The following ANO3 variants were observed in gnomAD, a reference collection of about 807,000 sequenced individuals.
ANO3 encodes the protein anoctamin 3.
In ANO3, 99 loss-of-function variants were observed where a neutral mutation model predicts 144.8. The observed-to-expected ratio is 0.68, with a 90% CI of 0.58 to 0.81. The LOEUF (loss-of-function observed/expected upper bound fraction) is 0.81. Ranked by LOEUF, ANO3 falls within the 30% of genes least tolerant of loss-of-function variation. The pLI, the probability that ANO3 is intolerant of heterozygous loss-of-function variation, is 0.00. For missense variants in ANO3, 905 were observed against 1,202.2 expected (o/e 0.75, Z 3.66); for synonymous variants, 414 against 392.6 (o/e 1.05, Z -0.64).
At chr11:26,308,382 T>A (rs997368074), upstream of ANO3, among the ~76,000 whole-genome samples, 6 of 152,302 alleles carry the variant, frequency 3.9e-5, no homozygotes, top group Admixed American at 2.6e-4. Context: ...TTTCATACAA[T>A]TTAGTACAGA....
intron 9 of ANO3, among the ~76,000 whole-genome samples, chr11:26,535,195 A>T (rs10742145): frequency 0.71 from 107,287 of 152,116 alleles, 38,216 homozygotes; most frequent in East Asian, 0.84. Flanking sequence ...AAGAATATGT[A>T]AGAAACTTTT....
chr11:26,266,316 A>G (rs186127961), intron 1 of ANO3, among the ~76,000 whole-genome samples: 1 of 152,312 alleles, frequency 6.6e-6, no homozygotes, highest in Admixed American at 6.5e-5. Flanking sequence ...TATATTCAAT[A>G]ATTGACTTTA....
At chr11:26,192,531 T>C (rs764695932) in intron 1 of ANO3, among the ~76,000 whole-genome samples, 5 of 152,220 alleles carry the variant, frequency 3.3e-5, no homozygotes, top group Non-Finnish European at 1.5e-5. Flanking sequence ...TCAAAAACAG[T>C]GTTTATACCT....
intron 1 of ANO3, among the ~76,000 whole-genome samples, chr11:26,279,675 T>C (rs1438126113): frequency 6.6e-6 from 1 of 152,158 alleles, no homozygotes; most frequent in Non-Finnish European, 1.5e-5. Flanking sequence ...TTCAGGGACT[T>C]GCAAGTGGGG....
intron 1 of ANO3, among the ~76,000 whole-genome samples, chr11:26,324,961 A>T (rs1343429354): frequency 6.6e-6 from 1 of 152,220 alleles, no homozygotes; most frequent in Non-Finnish European, 1.5e-5. Context: ...ATGGGAAAGG[A>T]AAAGGATGAG....
intron 4 of ANO3, among the ~76,000 whole-genome samples, chr11:26,506,311 GTCAAAATGCTGGCT>G (rs1446162911): frequency 6.6e-6 from 1 of 152,094 alleles, no homozygotes; most frequent in Non-Finnish European, 1.5e-5. Flanking sequence ...TATCAACTTG[GTCAAAATGCTGGCT>G]TCATTATTTT....
At chr11:26,415,317 G>A (rs1857552580) in intron 1 of ANO3, among the ~76,000 whole-genome samples, 1 of 151,958 alleles carries the variant, frequency 6.6e-6, no homozygotes, top group Non-Finnish European at 1.5e-5. Flanking sequence ...TACTTAGAAA[G>A]GTGTTGTCAA....
intron 14 of ANO3, among the ~76,000 whole-genome samples, chr11:26,578,443 G>T (rs1851047084): frequency 6.6e-6 from 1 of 152,178 alleles, no homozygotes; most frequent in African/African-American, 2.4e-5. Flanking sequence ...GGAGTCCCAG[G>T]TTTCAATTAG....
chr11:26,589,030 A>G (rs1233660608), intron 14 of ANO3, among the ~76,000 whole-genome samples: 4 of 152,210 alleles, frequency 2.6e-5, no homozygotes, highest in Non-Finnish European at 4.4e-5. Flanking sequence ...GTAATGACTT[A>G]TGGTAGTCCT....
intron 1 of ANO3, among the ~76,000 whole-genome samples, chr11:26,394,570 C>CTTT (rs56118844): frequency 2.6e-5 from 3 of 115,746 alleles, no homozygotes; most frequent in Non-Finnish European, 3.5e-5. Flanking sequence ...ATTTCATTTT[C>CTTT]TTTTTTTTTT....
chr11:26,631,071 A>G (rs553677161), intron 18 of ANO3, among the ~76,000 whole-genome samples: 18 of 151,674 alleles, frequency 1.2e-4, no homozygotes, highest in Non-Finnish European at 2.4e-4. Flanking sequence ...TATGTAGGTA[A>G]TTGTTTATTA....
At chr11:26,397,995 C>T (rs1402080234) in intron 1 of ANO3, among the ~76,000 whole-genome samples, 1 of 149,738 alleles carries the variant, frequency 6.7e-6, no homozygotes, top group Non-Finnish European at 1.5e-5. Context: ...TTTTCTCAAT[C>T]ACTATAAGGA....
chr11:26,492,795 A>G (rs967651791), intron 4 of ANO3, among the ~76,000 whole-genome samples: 1 of 152,194 alleles, frequency 6.6e-6, no homozygotes, highest in Non-Finnish European at 1.5e-5. Flanking sequence ...TATTGTGGAA[A>G]TATTTGTCCT....
chr11:26,213,481 A>G (rs1851976152), intron 1 of ANO3, among the ~76,000 whole-genome samples: 1 of 152,330 alleles, frequency 6.6e-6, no homozygotes, highest in South Asian at 2.1e-4. Context: ...TTATACACCA[A>G]TAACAGACAA....
At chr11:26,380,809 C>T (rs1366337533) in intron 1 of ANO3, among the ~76,000 whole-genome samples, 1 of 151,940 alleles carries the variant, frequency 6.6e-6, no homozygotes, top group African/African-American at 2.4e-5. Flanking sequence ...TGGTGAAACC[C>T]CGTCTCTACT....
At chr11:26,525,205 C>T (rs1849130787) in intron 6 of ANO3, among the ~76,000 whole-genome samples, 1 of 151,982 alleles carries the variant, frequency 6.6e-6, no homozygotes, top group Non-Finnish European at 1.5e-5. Context: ...GGTTATAACA[C>T]TCCTTAGCAA....
rs1378436915 is a variant in ANO3 at position 26,443,780 on chromosome 11, A to G, written c.257A>G (p.Asn86Ser). The stretch of plus-strand genomic sequence containing the variant: ...TTTATTTCAGTTAATACTGAGGAGA[A>G]TAAAAACGACTCTGTGCTGAGATGT... ...DKAEQVNTEE[N>S]KNDSVLRCSF... The change falls in exon 3 of 27, where the codon AAT becomes AGT. Residue 86 changes from asparagine to serine, a missense_variant. By Grantham distance (46) the Asn-to-Ser change is conservative (BLOSUM62 1). This residue lies in a region of ANO3 where 174 missense variants were observed against 171.9 expected (regional missense o/e 1.01). Coordinates refer to ENST00000256737, the MANE Select transcript of ANO3 (RefSeq NM_031418.4). 1.9e-6 allele frequency: 3 copies of G among 1,605,084 alleles called. No homozygotes were observed. In the African/African-American group the frequency reaches 4.0e-5, roughly 22 times the overall value.
chr11:26,390,143 T>C (rs948532079), intron 1 of ANO3, among the ~76,000 whole-genome samples: 8 of 152,324 alleles, frequency 5.3e-5, no homozygotes, highest in African/African-American at 1.9e-4. Context: ...ATTTTGTGGC[T>C]AGAAGAAAAT....
chr11:26,258,593 C>T (rs1853112170), intron 1 of ANO3, among the ~76,000 whole-genome samples: 1 of 152,146 alleles, frequency 6.6e-6, no homozygotes, highest in Non-Finnish European at 1.5e-5. Context: ...TTTGATTCAT[C>T]TTTTCATAGT....
Sources: gnomAD v4.1 joint callset for allele counts (sites outside exome capture counted in the v4.1 genomes callset) on GRCh38, gnomAD v4.1.1 for gene constraint, gnomAD v4.1.1 regional missense constraint, MANE v1.5 for transcripts, NCBI Gene and HGNC (gene_info 2026-07-23, HGNC 2026-07-21) for gene names.